Variants in RSPRY1 observed in about 807,000 individuals in gnomAD.
RSPRY1 encodes the protein RING finger and SPRY domain-containing protein 1.
RSPRY1 carries 23 observed loss-of-function variants against 73.1 expected under a neutral mutation model. The ratio of observed to expected loss-of-function variants is 0.31; its 90% confidence interval spans 0.23 to 0.45. RSPRY1 has a LOEUF of 0.45. Ranked by LOEUF, RSPRY1 falls within the 20% of genes least tolerant of loss-of-function variation. The probability of loss-of-function intolerance (pLI) is 1.00; values close to 1 mark genes in which losing one functional copy is unlikely to be tolerated. For synonymous variants in RSPRY1, 226 were observed against 251.4 expected (o/e 0.90, Z 0.95); for missense variants, 448 against 698.7 (o/e 0.64, Z 4.05).
intron 1 of RSPRY1, among the ~76,000 whole-genome samples, chr16:57,187,764 T>C (rs2074265762): frequency 6.6e-6 from 1 of 152,114 alleles, no homozygotes; most frequent in Non-Finnish European, 1.5e-5. Flanking sequence ...GGTTCACAGC[T>C]TCTTAGGTCA....
chr16:57,186,183 T>A, upstream of RSPRY1: 1 of 985,714 alleles, frequency 1.0e-6, no homozygotes, highest in African/African-American at 1.7e-5. Context: ...CTGGCCAGTC[T>A]GCGCCTGGAG....
intron 10 of RSPRY1, among the ~76,000 whole-genome samples, chr16:57,225,816 C>A (rs1244174404): frequency 6.6e-6 from 1 of 152,192 alleles, no homozygotes; most frequent in Non-Finnish European, 1.5e-5. Context: ...CGGTGGCTCA[C>A]GCCTGTAATC....
intron 4 of RSPRY1, among the ~76,000 whole-genome samples, chr16:57,211,864 C>T (rs1340487620): frequency 1.3e-5 from 2 of 152,112 alleles, no homozygotes; most frequent in Non-Finnish European, 2.9e-5. Context: ...CAGGCATGAG[C>T]CACTGTGCCC....
intron 1 of RSPRY1, among the ~76,000 whole-genome samples, chr16:57,200,773 C>G (rs1285584956): frequency 1.2e-5 from 1 of 80,716 alleles, no homozygotes; most frequent in Non-Finnish European, 2.4e-5. Flanking sequence ...GATGGGGCGG[C>G]TGGCCGGGCT....
rs1274122455 is a variant in RSPRY1 at position 57,240,404 on chromosome 16, CTT to C, written c.*1430_*1431del. ...AATATATATGTAGGATACATGTTCT[CTT>C]CTTTAGCTTGTGGTGAATACAGTAA... On this transcript the variant is annotated 3_prime_UTR_variant, in exon 15 of 15. Coordinates refer to ENST00000394420, the MANE Select transcript of RSPRY1 (RefSeq NM_133368.3). 1 of 151,664 alleles carries C rather than the reference CTT, an allele frequency of 6.6e-6. No individual in the cohort carries two copies. The highest frequency in any genetic ancestry group is 1.5e-5 in the Non-Finnish European group (1 of 67,942). 9.4% of individuals were successfully genotyped at this position (151,664 alleles called of 1,614,324 possible). A position where few individuals can be genotyped will look rare whatever the true frequency, so the allele number is the denominator to read the frequency against.
rs2075297646 is a variant in RSPRY1 at position 57,236,208 on chromosome 16, T to C, written c.1634+980T>C. On this transcript the variant is annotated intron_variant, in intron 14 of 14. Coordinates refer to ENST00000394420, the MANE Select transcript of RSPRY1 (RefSeq NM_133368.3). Reference sequence around the variant, plus strand: ...TCATGCCCTTTTTGATCTTTGTTTCTGTAAGAATGTTAAGATCTCAAACAG... The same window carrying C: ...TCATGCCCTTTTTGATCTTTGTTTCCGTAAGAATGTTAAGATCTCAAACAG... Among the ~76,000 whole-genome samples the C allele has an allele frequency of 1.3e-5, 2 of 152,236 alleles. 1 individual carries two copies. The highest frequency in any genetic ancestry group is 4.1e-4 in the South Asian group (2 of 4,838).
chr16:57,223,315 T>G (rs1161204892), intron 10 of RSPRY1, among the ~76,000 whole-genome samples: 1 of 152,218 alleles, frequency 6.6e-6, no homozygotes, highest in Non-Finnish European at 1.5e-5. Flanking sequence ...CTGCTTAGGT[T>G]TCCATTTTAA....
intron 1 of RSPRY1, among the ~76,000 whole-genome samples, chr16:57,194,243 A>G (rs1407892357): frequency 6.6e-6 from 1 of 152,206 alleles, no homozygotes; most frequent in Non-Finnish European, 1.5e-5. Flanking sequence ...TGGATAAGAG[A>G]TGGATAGCGA....
In RSPRY1 at chr16:57,227,328, T is replaced by G. The variant is rs2075135460; in HGVS notation, c.1162-14T>G. On this transcript the variant is annotated splice_polypyrimidine_tract_variant and intron_variant, in intron 10 of 14. Coordinates refer to ENST00000394420, the MANE Select transcript of RSPRY1 (RefSeq NM_133368.3). ...GGCAGACTTGCTAATCTTCTGGGCC[T>G]TGTCTCTCTCCAGGAAGGCTACGGC... 8 of 1,590,906 alleles carry G rather than the reference T, an allele frequency of 5.0e-6. No individual in the cohort carries two copies. Among genetic ancestry groups the G allele is most frequent in the Non-Finnish European group, 6.9e-6 (8 of 1,159,034 alleles).
chr16:57,187,319 G>A (rs1477911172), intron 1 of RSPRY1, among the ~76,000 whole-genome samples: 1 of 152,172 alleles, frequency 6.6e-6, no homozygotes, highest in Non-Finnish European at 1.5e-5. Context: ...CGTCTTTGGG[G>A]AGGGAAACCG....
chr16:57,200,571 G>T (rs571914194), intron 1 of RSPRY1, among the ~76,000 whole-genome samples: 1 of 150,536 alleles, frequency 6.6e-6, no homozygotes, highest in Non-Finnish European at 1.5e-5. Context: ...GGGGCGGCTG[G>T]CCGGGCAGAG....
intron 1 of RSPRY1, among the ~76,000 whole-genome samples, chr16:57,202,878 T>TTATA (rs55701001): frequency 0.024 from 3,147 of 131,504 alleles, 52 homozygotes; most frequent in African/African-American, 0.033. Context: ...TTACATATGA[T>TTATA]TATATATATA....
chr16:57,227,792 A>G lies in RSPRY1; in HGVS notation c.1273+339A>G, dbSNP rs533302405. Reference sequence around the variant, plus strand: ...GGGACACTGGAATTGTAATGCCACTAAAATGAGGATTTTTCAGGGACAAGA... The same window carrying G: ...GGGACACTGGAATTGTAATGCCACTGAAATGAGGATTTTTCAGGGACAAGA... On this transcript the variant is annotated intron_variant, in intron 11 of 14. Transcript: ENST00000394420. Among the ~76,000 whole-genome samples the G allele has an allele frequency of 9.2e-5, 14 of 152,320 alleles. No individual in the cohort carries two copies. The South Asian group carries it at 2.7e-3, about 29-fold the overall frequency.
chr16:57,215,739 TA>T (rs2074927210), intron 6 of RSPRY1, among the ~76,000 whole-genome samples: 1 of 152,262 alleles, frequency 6.6e-6, no homozygotes, highest in South Asian at 2.1e-4. Flanking sequence ...ATTTTTAGTT[TA>T]TAATTCTAGG....
At chr16:57,213,995 A>G (rs761248057) in intron 6 of RSPRY1, 49 bp downstream of exon 6, 2 of 1,251,218 alleles carry the variant, frequency 1.6e-6, no homozygotes, top group Non-Finnish European at 2.4e-6. Flanking sequence ...AGAAGTGGGC[A>G]TCATCTAGAA....
At position 57,216,231 on chromosome 16, in the gene RSPRY1, TTTTTC is replaced by T. The variant is rs1281440954; in HGVS notation, c.769+61_769+65del. On this transcript the variant is annotated intron_variant, in intron 7 of 14. Coordinates refer to ENST00000394420, the MANE Select transcript of RSPRY1 (RefSeq NM_133368.3). Reference sequence around the variant, plus strand: ...TCTGTATTGGTTGTTAAAAATTTTATTTTTCTTAGTTACTGGATAAGCCTACACTT... The same window carrying T: ...TCTGTATTGGTTGTTAAAAATTTTATTTAGTTACTGGATAAGCCTACACTT... The T allele has an allele frequency of 6.3e-6, 8 of 1,271,300 alleles. No homozygotes were observed. In the African/African-American group the frequency reaches 8.9e-5, roughly 14 times the overall value. The allele number at this position is 1,271,300 out of a possible 1,614,324, so 78.8% of individuals were successfully genotyped here. A position where few individuals can be genotyped will look rare whatever the true frequency, so the allele number is the denominator to read the frequency against.
rs367739488 is a variant in RSPRY1, at chr16:57,231,331, G to T, written c.1529+12G>T. On this transcript the variant is annotated intron_variant, in intron 13 of 14. Coordinates refer to ENST00000394420, the MANE Select transcript of RSPRY1 (RefSeq NM_133368.3). ...ATCATTTTGCCAAGGTAAGGAATCT[G>T]CCCAGGCTATCTCCAGACTTTCACA... 5 of 1,604,564 alleles carry T rather than the reference G, an allele frequency of 3.1e-6. No individual in the cohort carries two copies. In the East Asian group the frequency reaches 8.9e-5, roughly 29 times the overall value.
At chr16:57,236,847 C>T (rs1417146842) in intron 14 of RSPRY1, among the ~76,000 whole-genome samples, 1 of 151,516 alleles carries the variant, frequency 6.6e-6, no homozygotes, top group Non-Finnish European at 1.5e-5. Flanking sequence ...GGGGAGTTAT[C>T]TTAGGAATGC....
intron 2 of RSPRY1, chr16:57,207,687 T>G (rs768513963): frequency 1.0e-4 from 48 of 462,532 alleles, no homozygotes; most frequent in Middle Eastern, 3.2e-4. Flanking sequence ...TTCTCTGAGG[T>G]AAGTATGAAG....
Sources: allele counts gnomAD v4.1 joint callset (sites outside exome capture counted in the v4.1 genomes callset), GRCh38; gene constraint gnomAD v4.1.1; transcripts MANE v1.5; gene names NCBI Gene and HGNC (gene_info 2026-07-23, HGNC 2026-07-21).